Variants in PPARGC1A observed in about 807,000 individuals in gnomAD.
PPARGC1A encodes the protein peroxisome proliferator-activated receptor gamma coactivator 1-alpha.
A neutral mutation model predicts 88.7 loss-of-function variants in PPARGC1A; 25 were observed. That is an observed-to-expected ratio of 0.28 (90% CI 0.21 to 0.39). PPARGC1A has a LOEUF of 0.39. Ranked by LOEUF, PPARGC1A falls within the 10% of genes least tolerant of loss-of-function variation. The probability of loss-of-function intolerance (pLI) is 1.00; values close to 1 mark genes in which losing one functional copy is unlikely to be tolerated. For synonymous variants in PPARGC1A, 363 were observed against 355.6 expected, an observed-to-expected ratio of 1.02 and a Z score of -0.24; for missense variants, 880 against 968.7, an observed-to-expected ratio of 0.91 and a Z score of 1.22.
At chr4:24,140,831 G>GCCC in the PPARGC1A span, among the ~76,000 whole-genome samples, 1 of 152,200 alleles carries the variant, frequency 6.6e-6, no homozygotes, top group Admixed American at 6.5e-5. Context: ...AGAGACACTT[G>GCCC]CCCTTTCAGA....
the PPARGC1A span, among the ~76,000 whole-genome samples, chr4:24,342,240 T>G: frequency 6.6e-6 from 1 of 152,196 alleles, no homozygotes; most frequent in Non-Finnish European, 1.5e-5. Flanking sequence ...TGCCAGGTAG[T>G]GTCCAAAGCA....
chr4:23,838,284 G>A (rs1726409838), intron 2 of PPARGC1A, among the ~76,000 whole-genome samples: 1 of 151,938 alleles, frequency 6.6e-6, no homozygotes, highest in Non-Finnish European at 1.5e-5. Context: ...CCCAAGTGTG[G>A]GCACTGACAG....
intron 10 of PPARGC1A, among the ~76,000 whole-genome samples, chr4:23,810,382 G>A (rs2109422591): frequency 6.6e-6 from 1 of 152,264 alleles, no homozygotes; most frequent in Non-Finnish European, 1.5e-5. Flanking sequence ...TTTCATCTAA[G>A]AATTAACAGA....
chr4:24,292,603 C>A, the PPARGC1A span, among the ~76,000 whole-genome samples: 1 of 111,912 alleles, frequency 8.9e-6, no homozygotes, highest in East Asian at 2.9e-4. Flanking sequence ...TCCCTACCCC[C>A]TCACCCTCAC....
At chr4:23,968,782 G>A in the PPARGC1A span, among the ~76,000 whole-genome samples, 3 of 152,022 alleles carry the variant, frequency 2.0e-5, no homozygotes, top group South Asian at 2.1e-4. Context: ...GGGTGTGGTG[G>A]TGGGTGCCCG....
chr4:24,305,299 C>A, the PPARGC1A span, among the ~76,000 whole-genome samples: 1 of 151,154 alleles, frequency 6.6e-6, no homozygotes, highest in African/African-American at 2.4e-5. Context: ...GAAAAACAAA[C>A]AAACAAACAA....
At chr4:24,075,292 G>A in the PPARGC1A span, among the ~76,000 whole-genome samples, 1 of 152,144 alleles carries the variant, frequency 6.6e-6, no homozygotes, top group Non-Finnish European at 1.5e-5. Context: ...CAGAGATGGT[G>A]GTGGTGTCCA....
chr4:24,070,507 G>C, the PPARGC1A span, among the ~76,000 whole-genome samples: 1 of 152,046 alleles, frequency 6.6e-6, no homozygotes, highest in Non-Finnish European at 1.5e-5. Context: ...CTCTGTGTTC[G>C]GTCAAGACTG....
At chr4:24,181,273 C>A in the PPARGC1A span, among the ~76,000 whole-genome samples, 1 of 152,184 alleles carries the variant, frequency 6.6e-6, no homozygotes, top group Admixed American at 6.6e-5. Context: ...GCGAAAAACA[C>A]AGGTTCAAAT....
chr4:23,849,711 G>A (rs1728935199), intron 2 of PPARGC1A, among the ~76,000 whole-genome samples: 1 of 152,060 alleles, frequency 6.6e-6, no homozygotes, highest in South Asian at 2.1e-4. Context: ...AAAAGAAAAG[G>A]GGCCATAATA....
chr4:24,323,203 G>GA, the PPARGC1A span, among the ~76,000 whole-genome samples: 1 of 152,238 alleles, frequency 6.6e-6, no homozygotes, highest in South Asian at 2.1e-4. Context: ...CAGCATGGGG[G>GA]AGATTTTCTA....
the PPARGC1A span, among the ~76,000 whole-genome samples, chr4:24,186,173 A>G: frequency 6.6e-6 from 1 of 151,992 alleles, no homozygotes; most frequent in South Asian, 2.1e-4. Context: ...GGGTGGGCAA[A>G]AGAAGAGGGC....
At chr4:24,379,935 C>G in the PPARGC1A span, among the ~76,000 whole-genome samples, 1 of 152,000 alleles carries the variant, frequency 6.6e-6, no homozygotes, top group African/African-American at 2.4e-5. Flanking sequence ...CGCCCCACCA[C>G]ACCTGGCTAA....
In PPARGC1A at chr4:23,794,064, C is replaced by T. The variant is rs998895463; in HGVS notation, c.*1758G>A. On this transcript the variant is annotated 3_prime_UTR_variant, in exon 13 of 13. Transcript: ENST00000264867. Reference sequence around the variant, plus strand: ...CATACTCTGCCAAGGGAAAGAAATACTGGCTTCAAAGATAGTCTTCAGACA... The same window carrying T: ...CATACTCTGCCAAGGGAAAGAAATATTGGCTTCAAAGATAGTCTTCAGACA... The T allele has an allele frequency of 6.6e-6, 1 of 152,578 alleles. No homozygotes were observed. The highest frequency in any genetic ancestry group is 2.4e-5 in the African/African-American group (1 of 41,448). The allele number at this position is 152,578 out of a possible 1,614,324, so 9.5% of individuals were successfully genotyped here. A position where few individuals can be genotyped will look rare whatever the true frequency, so the allele number is the denominator to read the frequency against.
At chr4:23,799,841 T>A (rs1363744500) in intron 12 of PPARGC1A, among the ~76,000 whole-genome samples, 3 of 152,192 alleles carry the variant, frequency 2.0e-5, no homozygotes, top group African/African-American at 4.8e-5. Context: ...AAACTCTAGA[T>A]GTTTTGAGAG....
the PPARGC1A span, among the ~76,000 whole-genome samples, chr4:24,323,868 G>A: frequency 1.3e-4 from 20 of 152,192 alleles, no homozygotes; most frequent in South Asian, 4.1e-4. Context: ...AATCCGGTAA[G>A]CGGCCTCTTT....
chr4:24,385,813 A>G, the PPARGC1A span, among the ~76,000 whole-genome samples: 1 of 152,188 alleles, frequency 6.6e-6, no homozygotes, highest in African/African-American at 2.4e-5. Context: ...TACCAGAGGT[A>G]CACAGAGGAG....
At chr4:23,983,435 C>G in the PPARGC1A span, among the ~76,000 whole-genome samples, 6 of 152,082 alleles carry the variant, frequency 3.9e-5, no homozygotes, top group African/African-American at 7.2e-5. Context: ...CACAGGGCAG[C>G]AACAACTCAT....
chr4:23,862,410 G>A (rs1381501682), intron 2 of PPARGC1A, among the ~76,000 whole-genome samples: 1 of 152,202 alleles, frequency 6.6e-6, no homozygotes, highest in Non-Finnish European at 1.5e-5. Context: ...GAGGGGATGA[G>A]AAGCGTAGTG....
Sources: gnomAD v4.1 joint callset for allele counts (sites outside exome capture counted in the v4.1 genomes callset) on GRCh38, gnomAD v4.1.1 for gene constraint, MANE v1.5 for transcripts, NCBI Gene and HGNC (gene_info 2026-07-23, HGNC 2026-07-21) for gene names.